Variants in COL28A1 observed in about 807,000 individuals in gnomAD.
COL28A1 encodes collagen alpha-1(XXVIII) chain.
Under a neutral mutation model 150.2 loss-of-function variants are expected in COL28A1, and 161 were observed. The ratio of observed to expected loss-of-function variants is 1.07; its 90% confidence interval spans 0.94 to 1.22. COL28A1 has a LOEUF of 1.22. COL28A1 is among the 50% of genes most tolerant of loss of function. COL28A1 has a pLI of 0.00. For synonymous variants in COL28A1, 552 were observed against 469.7 expected, an observed-to-expected ratio of 1.18 and a Z score of -2.26; for missense variants, 1,617 against 1,388.3, an observed-to-expected ratio of 1.16 and a Z score of -2.62.
In COL28A1 at chr7:7,521,964, G is replaced by A. The variant is rs1781750856; in HGVS notation, c.703-3C>T. ...CATTCACAAATCTTGCGTTCACACT[G>A]AATCAATAATGAAATATGATATTAA... On this transcript the variant is annotated splice_polypyrimidine_tract_variant and splice_region_variant and intron_variant, in intron 4 of 34. Transcript: ENST00000399429. 9.8e-7 allele frequency: 1 copy of A among 1,024,066 alleles called. No individual in the cohort carries two copies. Among genetic ancestry groups the A allele is most frequent in the Non-Finnish European group, 1.6e-6 (1 of 640,276 alleles). The allele number at this position is 1,024,066 out of a possible 1,614,324, so 63.4% of individuals were successfully genotyped here.
chr7:7,527,400 TG>T (rs879813677), intron 3 of COL28A1, among the ~76,000 whole-genome samples: 3 of 152,290 alleles, frequency 2.0e-5, no homozygotes, highest in Non-Finnish European at 2.9e-5. Flanking sequence ...CACCCATTGA[TG>T]GTATGCTGTC....
intron 27 of COL28A1, among the ~76,000 whole-genome samples, chr7:7,393,375 C>T (rs1782656299): frequency 6.6e-6 from 1 of 152,204 alleles, no homozygotes; most frequent in African/African-American, 2.4e-5. Context: ...AGACAGAGCT[C>T]TCCTGTATGA....
intron 11 of COL28A1, among the ~76,000 whole-genome samples, chr7:7,503,427 C>A (rs1189723641): frequency 6.6e-6 from 1 of 152,148 alleles, no homozygotes; most frequent in African/African-American, 2.4e-5. Context: ...AAATAATCTT[C>A]CTTGTGCCCA....
chr7:7,450,616 T>C (rs1009049122), intron 18 of COL28A1, among the ~76,000 whole-genome samples: 5 of 152,188 alleles, frequency 3.3e-5, no homozygotes, highest in Admixed American at 2.0e-4. Flanking sequence ...ATTTTGGTAG[T>C]ATCACAATTG....
At chr7:7,476,531 AC>A (rs1479255045) in intron 14 of COL28A1, among the ~76,000 whole-genome samples, 1 of 152,228 alleles carries the variant, frequency 6.6e-6, no homozygotes, top group African/African-American at 2.4e-5. Context: ...CATATGGCTC[AC>A]AAAGCCTAAA....
chr7:7,390,386 CA>C (rs1782468117), intron 27 of COL28A1, among the ~76,000 whole-genome samples: 5 of 152,078 alleles, frequency 3.3e-5, no homozygotes, highest in Non-Finnish European at 7.4e-5. Context: ...CTGCTGGATT[CA>C]GTTTGCCAGT....
intron 27 of COL28A1, among the ~76,000 whole-genome samples, chr7:7,393,938 A>G (rs575351666): frequency 6.6e-6 from 1 of 151,246 alleles, no homozygotes; most frequent in African/African-American, 2.4e-5. Context: ...GGGAGTGAAC[A>G]GTTCTGTCTC....
chr7:7,437,577 C>T, intron 21 of COL28A1, 115 bp from the exon 22 acceptor site: 1 of 1,383,296 alleles, frequency 7.2e-7, no homozygotes. Context: ...TGACCTCTAT[C>T]TGTTTCAAAG....
chr7:7,391,562 A>T (rs1322448682), intron 27 of COL28A1, among the ~76,000 whole-genome samples: 2 of 152,098 alleles, frequency 1.3e-5, no homozygotes, highest in Non-Finnish European at 2.9e-5. Context: ...AATCTGTGTA[A>T]TATTGACAGT....
At chr7:7,513,080 T>C (rs1047694764) in intron 8 of COL28A1, among the ~76,000 whole-genome samples, 1 of 152,208 alleles carries the variant, frequency 6.6e-6, no homozygotes, top group Non-Finnish European at 1.5e-5. Flanking sequence ...CAACAAACCA[T>C]TCACAGACTG....
chr7:7,474,577 A>T, intron 15 of COL28A1, 24 bp downstream of exon 15: 1 of 931,408 alleles, frequency 1.1e-6, no homozygotes, highest in Non-Finnish European at 1.8e-6. Context: ...CATTGTTTCC[A>T]GTGTACACCC....
the COL28A1 span, among the ~76,000 whole-genome samples, chr7:7,347,445 G>C: frequency 6.6e-6 from 1 of 152,100 alleles, no homozygotes; most frequent in Non-Finnish European, 1.5e-5. Context: ...GTGGCTCCAA[G>C]AAAGGGGAAT....
At chr7:7,341,557 T>C in the COL28A1 span, among the ~76,000 whole-genome samples, 2 of 152,062 alleles carry the variant, frequency 1.3e-5, no homozygotes, top group African/African-American at 4.8e-5. Flanking sequence ...ACTACAGGTG[T>C]GTGCCACCAC....
At chr7:7,417,479 T>C (rs1274175782) in intron 27 of COL28A1, among the ~76,000 whole-genome samples, 2 of 103,010 alleles carry the variant, frequency 1.9e-5, no homozygotes, top group Non-Finnish European at 3.6e-5. Flanking sequence ...AGGATACAGG[T>C]GAGGAAGGTA....
intron 18 of COL28A1, among the ~76,000 whole-genome samples, chr7:7,448,768 C>T (rs1786463364): frequency 6.6e-6 from 1 of 151,700 alleles, no homozygotes. Flanking sequence ...TACTATTCAG[C>T]AATACAAAGG....
intron 27 of COL28A1, among the ~76,000 whole-genome samples, chr7:7,389,713 A>T (rs1038663393): frequency 8.5e-5 from 13 of 152,098 alleles, no homozygotes; most frequent in African/African-American, 3.1e-4. Flanking sequence ...GGTCCTTTAC[A>T]TCCCTTGTAA....
intron 33 of COL28A1, among the ~76,000 whole-genome samples, chr7:7,368,456 T>C (rs1781054418): frequency 6.6e-6 from 1 of 151,722 alleles, no homozygotes; most frequent in Admixed American, 6.6e-5. Context: ...CTAGTTATTC[T>C]TAAAACTTGA....
intron 9 of COL28A1, among the ~76,000 whole-genome samples, chr7:7,509,880 C>T (rs945024724): frequency 3.9e-5 from 6 of 152,196 alleles, no homozygotes; most frequent in Non-Finnish European, 2.9e-5. Context: ...TTCATTTTCA[C>T]ATTTCCCATT....
downstream of COL28A1, among the ~76,000 whole-genome samples, chr7:7,353,636 G>T (rs962464655): frequency 5.9e-5 from 9 of 152,138 alleles, 1 homozygote; most frequent in African/African-American, 2.2e-4. Context: ...AAAGAAAGAG[G>T]CCTTCAGGTT....
Sources: gnomAD v4.1 joint callset for allele counts (sites outside exome capture counted in the v4.1 genomes callset) on GRCh38, gnomAD v4.1.1 for gene constraint, MANE v1.5 for transcripts, NCBI Gene and HGNC (gene_info 2026-07-23, HGNC 2026-07-21) for gene names.